LMO4: variants seen among roughly 807,000 people sequenced by gnomAD.
The protein encoded by LMO4 is LIM domain only 4.
A neutral mutation model predicts 18.5 loss-of-function variants in LMO4; 3 were observed. The observed-to-expected ratio is 0.16, with a 90% CI of 0.07 to 0.42. The LOEUF (loss-of-function observed/expected upper bound fraction) is 0.42, where lower values mean the gene tolerates loss of function less well. LMO4 is among the 10% of genes least tolerant of loss of function. The probability of loss-of-function intolerance (pLI) is 0.99; values close to 1 mark genes in which losing one functional copy is unlikely to be tolerated. For missense variants in LMO4, 121 were observed against 219.9 expected, an observed-to-expected ratio of 0.55 and a Z score of 2.84; for synonymous variants, 100 against 88.1, an observed-to-expected ratio of 1.14 and a Z score of -0.76.
chr1:87,334,403 C>T (rs757714110), intron 2 of LMO4, among the ~76,000 whole-genome samples: 1 of 152,178 alleles, frequency 6.6e-6, no homozygotes, highest in African/African-American at 2.4e-5. Context: ...GTTCCTCTCT[C>T]AGCCCATCAG....
At chr1:87,337,683 G>C (rs1169718024) in intron 2 of LMO4, among the ~76,000 whole-genome samples, 1 of 152,060 alleles carries the variant, frequency 6.6e-6, no homozygotes, top group Non-Finnish European at 1.5e-5. Flanking sequence ...TCCCTTTTGG[G>C]GGTTGGAATA....
intron 2 of LMO4, among the ~76,000 whole-genome samples, chr1:87,337,514 C>T (rs1171074140): frequency 1.3e-5 from 2 of 152,166 alleles, no homozygotes; most frequent in African/African-American, 4.8e-5. Flanking sequence ...CATTAAAATA[C>T]TTCAGGGTTG....
At chr1:87,341,675 A>G (rs535603009) in intron 4 of LMO4, among the ~76,000 whole-genome samples, 148 of 152,280 alleles carry the variant, frequency 9.7e-4, no homozygotes, top group African/African-American at 3.5e-3. Context: ...TTTTAAATGT[A>G]TGTTCTGTTT....
intron 1 of LMO4, among the ~76,000 whole-genome samples, chr1:87,330,027 C>CTTGTTT (rs1250001660): frequency 4.4e-5 from 6 of 135,982 alleles, no homozygotes; most frequent in African/African-American, 1.7e-4. Context: ...TTTTTTCCAA[C>CTTGTTT]TCTAAATGAA....
chr1:87,337,870 C>T (rs1356190242), intron 2 of LMO4, among the ~76,000 whole-genome samples: 1 of 152,212 alleles, frequency 6.6e-6, no homozygotes, highest in Non-Finnish European at 1.5e-5. Context: ...CCCCAAGCTC[C>T]CACATGGTGT....
At chr1:87,329,850 G>A (rs539278983) in intron 1 of LMO4, among the ~76,000 whole-genome samples, 2 of 152,058 alleles carry the variant, frequency 1.3e-5, no homozygotes, top group South Asian at 4.2e-4. Flanking sequence ...TCCCTCCCTT[G>A]GTCTCCATTA....
intron 2 of LMO4, 134 bp downstream of exon 2, chr1:87,332,385 G>A (rs1177135272): frequency 6.1e-6 from 4 of 658,536 alleles, no homozygotes; most frequent in Middle Eastern, 3.6e-4. Flanking sequence ...TCTAGTTGGC[G>A]GAATTTAAGG....
Position 87,332,258 on chromosome 1 carries a change from C to T in LMO4, c.236+7C>T. On this transcript the variant is annotated splice_region_variant and intron_variant, in intron 2 of 4. Coordinates refer to ENST00000370544, the MANE Select transcript of LMO4 (RefSeq NM_006769.4). ...GCAGAAATGACTACATTAGGTAAGA[C>T]TTTGCTGTCTTTCCTGGAGATGGGG... 6 of 1,600,236 alleles carry T rather than the reference C, an allele frequency of 3.7e-6. No individual in the cohort carries two copies. Among genetic ancestry groups the T allele is most frequent in the Non-Finnish European group, 5.1e-6 (6 of 1,167,878 alleles).
intron 2 of LMO4, among the ~76,000 whole-genome samples, chr1:87,333,986 T>C (rs1650227486): frequency 6.6e-6 from 1 of 152,088 alleles, no homozygotes; most frequent in Non-Finnish European, 1.5e-5. Flanking sequence ...CGCTTCTGAT[T>C]ACAACTAATT....
chr1:87,339,525 C>CT lies in LMO4; in HGVS notation c.237-8dup. ...TTATTCACTGGTGTCAACCGTTATTCTTTGTTTCAGGTTATTTGGAAATAG... is the reference window on the plus strand; with the variant it reads ...TTATTCACTGGTGTCAACCGTTATTCTTTTGTTTCAGGTTATTTGGAAATAG... On this transcript the variant is annotated splice_polypyrimidine_tract_variant and intron_variant, in intron 2 of 4. Coordinates refer to ENST00000370544, the MANE Select transcript of LMO4 (RefSeq NM_006769.4). 1.9e-6 allele frequency: 3 copies of CT among 1,603,116 alleles called. No homozygotes were observed. Among genetic ancestry groups the CT allele is most frequent in the Non-Finnish European group, 2.6e-6 (3 of 1,170,208 alleles).
At chr1:87,331,837 C>T in intron 1 of LMO4, 176 bp from the exon 2 acceptor site, 1 of 587,726 alleles carries the variant, frequency 1.7e-6, no homozygotes, top group South Asian at 2.2e-5. Context: ...CTGCTGCCGG[C>T]GAGCCTCCCT....
chr1:87,329,892 A>T (rs1370151975), intron 1 of LMO4, among the ~76,000 whole-genome samples: 2 of 152,134 alleles, frequency 1.3e-5, no homozygotes, highest in East Asian at 3.8e-4. Flanking sequence ...AAAGGGGGGC[A>T]GATTTTGCCT....
In LMO4 at chr1:87,329,050, G is replaced by GC. The variant is rs1182209734; in HGVS notation, c.-194dup. The stretch of plus-strand genomic sequence containing the variant: ...CACTTACGCGGGGGCCCCCCAACCC[G>GC]CCCCAGAGCAACGCGATTTAAAAAA... On this transcript the variant is annotated 5_prime_UTR_variant, in exon 1 of 5. Transcript: ENST00000370544. The GC allele has an allele frequency of 6.9e-6, 1 of 144,552 alleles. No homozygotes were observed. Among genetic ancestry groups the GC allele is most frequent in the Non-Finnish European group, 1.5e-5 (1 of 66,404 alleles). 9.0% of individuals were successfully genotyped at this position (144,552 alleles called of 1,614,324 possible). A position where few individuals can be genotyped will look rare whatever the true frequency, so the allele number is the denominator to read the frequency against.
Position 87,328,988 on chromosome 1 carries a change from A to G in LMO4, c.-260A>G, listed in dbSNP as rs1289404057. The G allele has an allele frequency of 4.0e-5, 6 of 150,690 alleles. No homozygotes were observed. The highest frequency in any genetic ancestry group is 8.9e-5 in the Non-Finnish European group (6 of 67,666). The allele number at this position is 150,690 out of a possible 1,614,324, so 9.3% of individuals were successfully genotyped here. On this transcript the variant is annotated 5_prime_UTR_variant, in exon 1 of 5. Transcript: ENST00000370544. ...GCGCAGTCGGAGGCGGAGAAGGACG[A>G]AGACTGAGACTGACACTTCTGCTCC...
intron 2 of LMO4, among the ~76,000 whole-genome samples, chr1:87,335,241 C>G (rs1424391231): frequency 6.6e-6 from 1 of 152,218 alleles, no homozygotes; most frequent in Non-Finnish European, 1.5e-5. Context: ...CCTCCACCCC[C>G]ACCTCGGGCC....
chr1:87,332,661 G>T (rs190861769), intron 2 of LMO4, among the ~76,000 whole-genome samples: 1 of 152,216 alleles, frequency 6.6e-6, no homozygotes, highest in Middle Eastern at 3.2e-3. Context: ...AAAAATACAA[G>T]TGTAGTTAGT....
Position 87,339,436 on chromosome 1 carries a change from A to G in LMO4, c.237-100A>G, listed in dbSNP as rs149644126. 5.5e-4 allele frequency: 414 copies of G among 746,458 alleles called. 2 individuals carry two copies. The African/African-American group carries it at 5.9e-3, about 11-fold the overall frequency. 46.2% of individuals were successfully genotyped at this position (746,458 alleles called of 1,614,324 possible). A position where few individuals can be genotyped will look rare whatever the true frequency, so the allele number is the denominator to read the frequency against. On this transcript the variant is annotated intron_variant, in intron 2 of 4. Coordinates refer to ENST00000370544, the MANE Select transcript of LMO4 (RefSeq NM_006769.4). ...TTGAGCCTAAGAATTCAGCCTGTCA[A>G]ATGCATTCCAAAGGGATGCCCAGAG...
chr1:87,329,322 T>C (rs1650060837), intron 1 of LMO4, 78 bp downstream of exon 1: 1 of 152,298 alleles, frequency 6.6e-6, no homozygotes, highest in Admixed American at 6.5e-5. Flanking sequence ...AGGGCTGTTT[T>C]CTTTGGCTTC....
At chr1:87,344,656 C>G (rs1650579932) in intron 4 of LMO4, 132 bp from the exon 5 acceptor site, 1 of 864,766 alleles carries the variant, frequency 1.2e-6, no homozygotes, top group South Asian at 1.5e-5. Flanking sequence ...AAGCCTCTAT[C>G]AAGTCACAGT....
Sources: allele counts gnomAD v4.1 joint callset (sites outside exome capture counted in the v4.1 genomes callset), GRCh38; gene constraint gnomAD v4.1.1; transcripts MANE v1.5; gene names NCBI Gene and HGNC (gene_info 2026-07-23, HGNC 2026-07-21).